Variants in CTBP1 observed in about 807,000 individuals in gnomAD.
The protein encoded by CTBP1 is C-terminal binding protein 1.
CTBP1 carries 11 observed loss-of-function variants against 42.1 expected under a neutral mutation model. That is an observed-to-expected ratio of 0.26 (90% CI 0.16 to 0.43). CTBP1 has a LOEUF of 0.43. CTBP1 is among the 20% of genes least tolerant of loss of function. CTBP1 has a pLI of 1.00. For missense variants in CTBP1, 399 were observed against 624.3 expected (o/e 0.64, Z 3.85); for synonymous variants, 324 against 277.1 (o/e 1.17, Z -1.68).
Position 1,213,578 on chromosome 4 carries a change from T to A in CTBP1, c.888A>T (p.Ala296=). The A allele has an allele frequency of 6.2e-7, 1 of 1,613,210 alleles. No homozygotes were observed. Among genetic ancestry groups the A allele is most frequent in the East Asian group, 2.2e-5 (1 of 44,864 alleles). ...FSFSQGPLKD[A]PNLICTPHAA... is the part of the protein sequence containing the mutation. Reference sequence around the variant, plus strand: ...CATGGGGGGTGCAGATGAGGTTGGGTGCATCCTTCAGAGGGCCCTGGCTAA... The same window carrying A: ...CATGGGGGGTGCAGATGAGGTTGGGAGCATCCTTCAGAGGGCCCTGGCTAA... Residue 296 remains alanine, a synonymous_variant, in exon 8 of 10, where the codon GCA becomes GCT. Coordinates refer to ENST00000382952, the MANE Select transcript of CTBP1 (RefSeq NM_001012614.2).
In CTBP1 at chr4:1,225,547, C is replaced by A. The variant is rs1730241230; in HGVS notation, c.327G>T (p.Val109=). ...CCGTCTCCTCCACAGACGCCGCGGGCACGTTGCAGACGGCAATGCCTGTGG... is the reference window on the plus strand; with the variant it reads ...CCGTCTCCTCCACAGACGCCGCGGGAACGTTGCAGACGGCAATGCCTGTGG... ...AGDLGIAVCN[V]PAASVEETAD... Residue 109 remains valine, a synonymous_variant, in exon 5 of 10, where the codon GTG becomes GTT. Transcript: ENST00000382952. 1.3e-6 allele frequency: 2 copies of A among 1,542,068 alleles called. No individual in the cohort carries two copies. The highest frequency in any genetic ancestry group is 1.7e-6 in the Non-Finnish European group (2 of 1,146,506).
intron 5 of CTBP1, chr4:1,221,935 C>T (rs1205816159): frequency 1.7e-5 from 6 of 352,128 alleles, no homozygotes; most frequent in South Asian, 4.1e-5. Flanking sequence ...ACCAGAGCCT[C>T]GTAGAGCAGA....
Position 1,213,030 on chromosome 4 carries a change from C to G in CTBP1, c.989G>C (p.Gly330Ala), listed in dbSNP as rs748160686. 5.6e-6 allele frequency: 9 copies of G among 1,613,434 alleles called. No individual in the cohort carries two copies. Among genetic ancestry groups the G allele is most frequent in the Non-Finnish European group, 7.6e-6 (9 of 1,179,704 alleles). ...AAREIRRAITGRIPDSLKNCV... is the reference protein window; with the variant it reads ...AAREIRRAITARIPDSLKNCV... ...GTTCTTCAGGCTGTCTGGGATCCGG[C>G]CTGGGAGATGCAGGAGGAAGGAACA... Residue 330 changes from glycine (G) to alanine (A), a missense_variant and splice_region_variant, in exon 9 of 10, where the codon GGC (glycine) becomes GCC (alanine). Around this residue, in one of 4 missense-constraint regions of CTBP1, gnomAD observed 309 missense variants for 497.5 expected, o/e 0.62. Transcript: ENST00000382952.
At chr4:1,240,240 C>G (rs3894353) in intron 2 of CTBP1, among the ~76,000 whole-genome samples, 55,251 of 105,324 alleles carry the variant, frequency 0.52, 14,764 homozygotes, top group South Asian at 0.65. Flanking sequence ...CCGTGTGGGG[C>G]ACTCCCGGGT....
chr4:1,223,099 G>A (rs929420054), intron 5 of CTBP1, among the ~76,000 whole-genome samples: 11 of 152,154 alleles, frequency 7.2e-5, no homozygotes, highest in Non-Finnish European at 1.3e-4. Context: ...AAGGCCAGCA[G>A]GCAGTCCACG....
intron 9 of CTBP1, 27 bp downstream of exon 9, chr4:1,212,886 C>T: frequency 1.9e-6 from 3 of 1,594,396 alleles, no homozygotes; most frequent in Non-Finnish European, 2.6e-6. Context: ...CTCCTGGAGG[C>T]TGTTCTGGGC....
At position 1,224,879 on chromosome 4, in the gene CTBP1, G is replaced by A. The variant is rs528719054; in HGVS notation, c.514+481C>T. The stretch of plus-strand genomic sequence containing the variant: ...GTGTGCTGTGGCATCTATGACATCC[G>A]TGCAGGCCAGTATGTGTACTGTGAC... On this transcript the variant is annotated intron_variant, in intron 5 of 9. Coordinates refer to ENST00000382952, the MANE Select transcript of CTBP1 (RefSeq NM_001012614.2). Among the ~76,000 whole-genome samples the A allele has an allele frequency of 1.7e-4, 26 of 151,676 alleles. 1 individual carries two copies. The South Asian group carries it at 5.2e-3, about 30-fold the overall frequency.
chr4:1,249,489 C>CG (rs1733127928), upstream of CTBP1: 3 of 54,682 alleles, frequency 5.5e-5, no homozygotes, highest in Admixed American at 2.5e-4. Context: ...GGCGCTCCTC[C>CG]GCGCCGCAGC....
chr4:1,249,625 G>GC, upstream of CTBP1: 1 of 391,474 alleles, frequency 2.6e-6, no homozygotes, highest in Non-Finnish European at 5.1e-6. Flanking sequence ...GCCCCCCATC[G>GC]CCCCCACCCG....
rs1380926374 is a variant in CTBP1, at chr4:1,221,568, T to C, written c.514+3792A>G. On this transcript the variant is annotated intron_variant, in intron 5 of 9. Transcript: ENST00000382952. The stretch of plus-strand genomic sequence containing the variant: ...ACGTGATGGAACCGTTATCAGAAAC[T>C]GCTGGGTCGTATGAAAACACAGGTG... The C allele has an allele frequency of 6.6e-5, 12 of 182,122 alleles. No individual in the cohort carries two copies. In the Admixed American group the frequency reaches 7.6e-4, roughly 12 times the overall value. The allele number at this position is 182,122 out of a possible 1,614,324, so 11.3% of individuals were successfully genotyped here. A position where few individuals can be genotyped will look rare whatever the true frequency, so the allele number is the denominator to read the frequency against.
intron 2 of CTBP1, among the ~76,000 whole-genome samples, chr4:1,239,244 C>T (rs1277371030): frequency 3.3e-5 from 5 of 152,204 alleles, no homozygotes; most frequent in African/African-American, 9.7e-5. Flanking sequence ...TTCCAGGCAC[C>T]GCCCGACCGC....
chr4:1,248,864 G>GC (rs1733060754), intron 1 of CTBP1, 52 bp downstream of exon 1: 6 of 334,112 alleles, frequency 1.8e-5, no homozygotes, highest in African/African-American at 2.4e-5. Context: ...CGCGGCACCC[G>GC]CCCCGCCCCG....
chr4:1,228,576 C>T (rs1577048510), intron 3 of CTBP1, among the ~76,000 whole-genome samples: 3 of 152,240 alleles, frequency 2.0e-5, no homozygotes, highest in Non-Finnish European at 4.4e-5. Context: ...CCTCCTCAGC[C>T]GCATGTAGGC....
chr4:1,223,666 C>T (rs191881324), intron 5 of CTBP1, among the ~76,000 whole-genome samples: 28 of 152,134 alleles, frequency 1.8e-4, no homozygotes, highest in African/African-American at 6.3e-4. Flanking sequence ...AAAGGTACAC[C>T]ACCCCCGCCC....
chr4:1,244,601 T>C (rs1560286102), intron 1 of CTBP1: 1 of 984,932 alleles, frequency 1.0e-6, no homozygotes, highest in East Asian at 1.1e-4. Flanking sequence ...AACCCCATCT[T>C]CTTCCCCCTC....
Position 1,211,865 on chromosome 4 carries a change from C to CAA in CTBP1, c.*373_*374dup, listed in dbSNP as rs1234269129. ...TCATTCTGGGGCACGTTCCAACATA[C>CAA]AAAAAAAAAAAAAACAAAAAAAAAA... On this transcript the variant is annotated 3_prime_UTR_variant, in exon 10 of 10. Coordinates refer to ENST00000382952, the MANE Select transcript of CTBP1 (RefSeq NM_001012614.2). 1.9e-4 allele frequency: 21 copies of CAA among 112,248 alleles called. No homozygotes were observed. Among genetic ancestry groups the CAA allele is most frequent in the African/African-American group, 2.5e-4 (7 of 27,512 alleles). The allele number at this position is 112,248 out of a possible 1,614,324, so 7.0% of individuals were successfully genotyped here.
At chr4:1,215,024 C>T (rs375502652) in intron 6 of CTBP1, among the ~76,000 whole-genome samples, 35 of 152,306 alleles carry the variant, frequency 2.3e-4, no homozygotes, top group African/African-American at 7.2e-4. Context: ...TTCCTGCAGC[C>T]CCCCCATTTC....
intron 3 of CTBP1, chr4:1,234,686 G>C (rs1325257306): frequency 1.3e-5 from 2 of 152,232 alleles, no homozygotes; most frequent in Admixed American, 1.3e-4. Flanking sequence ...GACACCAAAA[G>C]TTTTCTACGA....
At chr4:1,226,326 G>A (rs887961586) in intron 4 of CTBP1, among the ~76,000 whole-genome samples, 5 of 152,046 alleles carry the variant, frequency 3.3e-5, no homozygotes, top group African/African-American at 1.2e-4. Context: ...TCCTGTGTCC[G>A]ACTGGCCATC....
Sources: allele counts gnomAD v4.1 joint callset (sites outside exome capture counted in the v4.1 genomes callset), GRCh38; gene constraint gnomAD v4.1.1; regional missense constraint gnomAD v4.1.1; transcripts MANE v1.5; gene names NCBI Gene and HGNC (gene_info 2026-07-23, HGNC 2026-07-21).